The following GALNT9 variants were observed in gnomAD, a reference collection of about 807,000 sequenced individuals.
GALNT9 encodes polypeptide N-acetylgalactosaminyltransferase 9.
GALNT9 carries 47 observed loss-of-function variants against 63.1 expected under a neutral mutation model. That is an observed-to-expected ratio of 0.75 (90% CI 0.59 to 0.95). The LOEUF is 0.95. Among genes scored for constraint, GALNT9 ranks in the 40% least tolerant of loss-of-function variants. GALNT9 has a pLI of 0.00. For synonymous variants in GALNT9, 396 were observed against 365.7 expected, an observed-to-expected ratio of 1.08 and a Z score of -0.94; for missense variants, 829 against 874.8, an observed-to-expected ratio of 0.95 and a Z score of 0.66.
intron 4 of GALNT9, among the ~76,000 whole-genome samples, chr12:132,258,829 T>C (rs1167930130): frequency 1.3e-5 from 2 of 152,190 alleles, no homozygotes; most frequent in Non-Finnish European, 1.5e-5. Flanking sequence ...CAAGGTGAGA[T>C]GGCCGCAGAG....
intron 1 of GALNT9, among the ~76,000 whole-genome samples, chr12:132,304,115 A>G (rs148486712): frequency 3.4e-5 from 1 of 29,838 alleles, no homozygotes; most frequent in Non-Finnish European, 6.0e-5. Flanking sequence ...ACACAGCCTC[A>G]CCCGGGCACA....
At chr12:132,267,755 TCACACACACATGCACTCACACACA>T (rs1879661952) in intron 2 of GALNT9, among the ~76,000 whole-genome samples, 2 of 128,266 alleles carry the variant, frequency 1.6e-5, no homozygotes, top group African/African-American at 9.1e-5. Context: ...GCACACACAC[TCACACACACATGCACTCACACACA>T]CGCACACACA....
At chr12:132,298,930 A>G (rs988419243) in intron 1 of GALNT9, among the ~76,000 whole-genome samples, 1 of 148,042 alleles carries the variant, frequency 6.8e-6, no homozygotes, top group African/African-American at 2.5e-5. Context: ...CACCTAACCC[A>G]TCCCAGAGAT....
chr12:132,257,660 C>T (rs568466471), intron 5 of GALNT9, 29 bp downstream of exon 5: 25 of 1,522,424 alleles, frequency 1.6e-5, no homozygotes, highest in African/African-American at 1.2e-4. Flanking sequence ...CGGGCAGGGC[C>T]GCCCTCGACC....
At chr12:132,240,898 CA>C (rs1878276797) in intron 6 of GALNT9, among the ~76,000 whole-genome samples, 1 of 144,766 alleles carries the variant, frequency 6.9e-6, no homozygotes, top group African/African-American at 2.6e-5. Context: ...ACACACCACA[CA>C]CCCTTCCCGG....
rs782132783 is a variant in GALNT9, at chr12:132,296,106, G to A, written c.239-9676C>T. Among the ~76,000 whole-genome samples the A allele has an allele frequency of 1.1e-4, 17 of 149,456 alleles. No homozygotes were observed. The highest frequency in any genetic ancestry group is 5.3e-4 in the Admixed American group (8 of 15,088). On this transcript the variant is annotated intron_variant, in intron 1 of 10. Transcript: ENST00000328957. The surrounding 1 kb of genome is among the most constrained non-coding windows in gnomAD (Gnocchi z 4.2). ...GAGCCTCCGAACAGGGAGAGCCTCC[G>A]AACAGGGAGAGCCTCTGAACAGGGA...
At chr12:132,294,563 G>C (rs1555243053) in intron 1 of GALNT9, among the ~76,000 whole-genome samples, 2 of 152,262 alleles carry the variant, frequency 1.3e-5, no homozygotes, top group Non-Finnish European at 2.9e-5. Flanking sequence ...GAGGCTTCAG[G>C]CGTCCTGCTC....
At chr12:132,299,205 C>T (rs1303072048) in intron 1 of GALNT9, among the ~76,000 whole-genome samples, 8 of 142,520 alleles carry the variant, frequency 5.6e-5, no homozygotes, top group South Asian at 2.6e-4. Flanking sequence ...TGAGATGACT[C>T]ACTCCCATAA....
At chr12:132,215,680 G>A (rs1249526471) in intron 6 of GALNT9, among the ~76,000 whole-genome samples, 1 of 152,224 alleles carries the variant, frequency 6.6e-6, no homozygotes, top group African/African-American at 2.4e-5. Context: ...ACCAGCACCC[G>A]GGTCCCACGA....
chr12:132,216,534 A>G (rs985280068), intron 6 of GALNT9, among the ~76,000 whole-genome samples: 18 of 152,216 alleles, frequency 1.2e-4, no homozygotes, highest in Non-Finnish European at 2.4e-4. Flanking sequence ...TTTCTGTGGC[A>G]GGAATGGGAC....
intron 6 of GALNT9, among the ~76,000 whole-genome samples, chr12:132,210,447 G>A (rs1347433003): frequency 2.0e-5 from 3 of 152,216 alleles, no homozygotes; most frequent in Non-Finnish European, 4.4e-5. Context: ...TAGAGGGGAG[G>A]CAGGCGAGGC....
Position 132,236,697 on chromosome 12 carries a change from G to T in GALNT9, c.1077+11213C>A, listed in dbSNP as rs1450398363. On this transcript the variant is annotated intron_variant, in intron 6 of 10. Transcript: ENST00000328957. The surrounding 1 kb of genome is among the most constrained non-coding windows in gnomAD (Gnocchi z 5.6). ...GATCGCCCAGCCTCGCAAGGTGTAA[G>T]GTTTCGGGGCATCAAGCCTGGCCTC... Among the ~76,000 whole-genome samples, 1 of 152,226 alleles carries T rather than the reference G, an allele frequency of 6.6e-6. No homozygotes were observed. The highest frequency in any genetic ancestry group is 1.9e-4 in the East Asian group (1 of 5,196).
chr12:132,213,622 G>A (rs756994989), intron 6 of GALNT9, among the ~76,000 whole-genome samples: 3 of 152,118 alleles, frequency 2.0e-5, no homozygotes, highest in Non-Finnish European at 2.9e-5. Flanking sequence ...TGTGCACTCA[G>A]CTGTCATTCC....
At chr12:132,300,945 G>A (rs1881273149) in intron 1 of GALNT9, among the ~76,000 whole-genome samples, 1 of 152,290 alleles carries the variant, frequency 6.6e-6, no homozygotes, top group African/African-American at 2.4e-5. Flanking sequence ...ATGCCATGGT[G>A]GGGGTGAAGC....
chr12:132,268,183 G>A (rs1002627535), intron 2 of GALNT9, among the ~76,000 whole-genome samples: 7 of 148,078 alleles, frequency 4.7e-5, no homozygotes, highest in Non-Finnish European at 9.0e-5. Context: ...ACCCATACAT[G>A]TACTCACACA....
intron 6 of GALNT9, among the ~76,000 whole-genome samples, chr12:132,213,871 G>A (rs1032859555): frequency 7.9e-5 from 12 of 152,248 alleles, no homozygotes; most frequent in African/African-American, 1.4e-4. Flanking sequence ...CAGTTGGTGC[G>A]CGTGGGCGCT....
intron 1 of GALNT9, among the ~76,000 whole-genome samples, chr12:132,307,077 A>G (rs1251860845): frequency 6.6e-6 from 1 of 151,898 alleles, no homozygotes; most frequent in African/African-American, 2.4e-5. Context: ...CTCTCGATGG[A>G]CCCTGAGGAG....
intron 6 of GALNT9, chr12:132,247,329 G>A (rs1878740486): frequency 2.9e-6 from 1 of 342,644 alleles, no homozygotes. Context: ...CAAAACAAAG[G>A]GCATGAAAAA....
In GALNT9 at chr12:132,286,795, C is replaced by G. The variant is rs1880612138; in HGVS notation, c.239-365G>C. Among the ~76,000 whole-genome samples, 1 of 152,152 alleles carries G rather than the reference C, an allele frequency of 6.6e-6. No individual in the cohort carries two copies. Among genetic ancestry groups the G allele is most frequent in the African/African-American group, 2.4e-5 (1 of 41,426 alleles). ...GTGGCATGATCTCAGCTCACTGCAG[C>G]CTGGACCTCCCAGGCTCAAGCAATC... On this transcript the variant is annotated intron_variant, in intron 1 of 10. Transcript: ENST00000328957. This position sits in a 1 kb window ranked among gnomAD's most constrained non-coding sequence, Gnocchi z 7.4.
Sources: allele counts gnomAD v4.1 joint callset (sites outside exome capture counted in the v4.1 genomes callset), GRCh38; gene constraint gnomAD v4.1.1; non-coding constraint Gnocchi (gnomAD v3.1); transcripts MANE v1.5; gene names NCBI Gene and HGNC (gene_info 2026-07-23, HGNC 2026-07-21).